Variants in MSH3 observed in about 807,000 individuals in gnomAD.
The protein encoded by MSH3 is mutS homolog 3, also known as DNA mismatch repair protein Msh3.
In MSH3, 106 loss-of-function variants were observed where a neutral mutation model predicts 123.3. The observed-to-expected ratio is 0.86, with a 90% CI of 0.73 to 1.01. MSH3 has a LOEUF of 1.01. MSH3 is among the 50% of genes least tolerant of loss of function. MSH3 has a pLI of 0.00. For missense variants in MSH3, 1,459 were observed against 1,347.6 expected (o/e 1.08, Z -1.29); for synonymous variants, 515 against 481.4 (o/e 1.07, Z -0.91).
At chr5:80,707,564 A>C (rs1016712385) in intron 8 of MSH3, among the ~76,000 whole-genome samples, 6 of 148,994 alleles carry the variant, frequency 4.0e-5, no homozygotes, top group Non-Finnish European at 9.0e-5. Flanking sequence ...CTCTAAAAAA[A>C]AAAACAAAAA....
chr5:80,816,059 AT>A (rs1745097900), intron 20 of MSH3, among the ~76,000 whole-genome samples: 1 of 152,238 alleles, frequency 6.6e-6, no homozygotes, highest in African/African-American at 2.4e-5. Context: ...ATTTCAAGAA[AT>A]TGGAGTATTT....
At chr5:80,685,133 A>T (rs990609621) in intron 8 of MSH3, among the ~76,000 whole-genome samples, 5 of 149,890 alleles carry the variant, frequency 3.3e-5, no homozygotes, top group Non-Finnish European at 5.9e-5. Context: ...TCTTTATTTG[A>T]TATGAATTTG....
chr5:80,805,612 T>G (rs1435852479), intron 19 of MSH3, among the ~76,000 whole-genome samples: 1 of 105,518 alleles, frequency 9.5e-6, no homozygotes, highest in Non-Finnish European at 1.9e-5. Flanking sequence ...TTTTTTTTTT[T>G]GAGATGGAGT....
chr5:80,662,866 A>G (rs1003671407), intron 2 of MSH3, among the ~76,000 whole-genome samples: 4 of 152,056 alleles, frequency 2.6e-5, no homozygotes, highest in Admixed American at 2.0e-4. Flanking sequence ...AAGAATTGCA[A>G]TTTGGGACAT....
chr5:80,718,762 G>A (rs1213871612), intron 8 of MSH3, among the ~76,000 whole-genome samples: 1 of 151,826 alleles, frequency 6.6e-6, no homozygotes, highest in Non-Finnish European at 1.5e-5. Context: ...ACTCAGTAGT[G>A]ATGAACAAGT....
At chr5:80,694,075 A>G (rs1213787603) in intron 8 of MSH3, among the ~76,000 whole-genome samples, 1 of 152,234 alleles carries the variant, frequency 6.6e-6, no homozygotes, top group Non-Finnish European at 1.5e-5. Flanking sequence ...ATGCATACAT[A>G]GGAAGTTCAT....
intron 8 of MSH3, among the ~76,000 whole-genome samples, chr5:80,716,542 G>C (rs1204125007): frequency 6.6e-6 from 1 of 151,872 alleles, no homozygotes; most frequent in Non-Finnish European, 1.5e-5. Flanking sequence ...TGTGATTACG[G>C]GTGTGAGCCA....
chr5:80,786,074 A>C (rs1744503140), intron 17 of MSH3, among the ~76,000 whole-genome samples: 1 of 152,198 alleles, frequency 6.6e-6, no homozygotes, highest in Non-Finnish European at 1.5e-5. Context: ...GCACACCAGC[A>C]TGGCACATGT....
chr5:80,858,446 T>C (rs1429713839), intron 21 of MSH3, among the ~76,000 whole-genome samples: 1 of 152,242 alleles, frequency 6.6e-6, no homozygotes, highest in Non-Finnish European at 1.5e-5. Flanking sequence ...TTTAAATTTC[T>C]CTTTATTTCT....
chr5:80,669,620 GCTGT>G (rs1465089396), intron 3 of MSH3, among the ~76,000 whole-genome samples: 7 of 152,106 alleles, frequency 4.6e-5, no homozygotes, highest in Non-Finnish European at 8.8e-5. Context: ...TATAGAATGT[GCTGT>G]CTTTTACAGT....
In MSH3 at chr5:80,800,518, G is replaced by A. The variant is rs1015727960; in HGVS notation, c.2655+7674G>A. On this transcript the variant is annotated intron_variant, in intron 19 of 23. Coordinates refer to ENST00000265081, the MANE Select transcript of MSH3 (RefSeq NM_002439.5). Reference sequence around the variant, plus strand: ...GATGTGTGCTGCCTCAAATACGCACGATCTTTCTAAAAGAGATTAGCACAT... The same window carrying A: ...GATGTGTGCTGCCTCAAATACGCACAATCTTTCTAAAAGAGATTAGCACAT... Among the ~76,000 whole-genome samples the A allele has an allele frequency of 3.9e-5, 6 of 152,308 alleles. No individual in the cohort carries two copies. The East Asian group carries it at 7.7e-4, about 20-fold the overall frequency.
chr5:80,723,255 T>G (rs932198950), intron 8 of MSH3, among the ~76,000 whole-genome samples: 3 of 152,056 alleles, frequency 2.0e-5, no homozygotes, highest in Non-Finnish European at 2.9e-5. Flanking sequence ...CTTGCCACTT[T>G]AGATATAGAT....
At chr5:80,845,789 G>GT (rs1457736475) in intron 20 of MSH3, among the ~76,000 whole-genome samples, 2 of 152,142 alleles carry the variant, frequency 1.3e-5, no homozygotes, top group Non-Finnish European at 2.9e-5. Context: ...GTTTATTCTA[G>GT]TTAGCCATTC....
intron 13 of MSH3, among the ~76,000 whole-genome samples, chr5:80,762,608 A>G: frequency 6.6e-6 from 1 of 151,166 alleles, no homozygotes. Flanking sequence ...TGATGTAGTT[A>G]TCTTGACTGC....
chr5:80,845,940 C>G (rs906437364), intron 20 of MSH3, among the ~76,000 whole-genome samples: 3 of 152,146 alleles, frequency 2.0e-5, no homozygotes, highest in Admixed American at 6.5e-5. Flanking sequence ...CAGTTTTGTT[C>G]CATTGCTGCT....
At chr5:80,686,447 C>T (rs953477495) in intron 8 of MSH3, among the ~76,000 whole-genome samples, 7 of 151,848 alleles carry the variant, frequency 4.6e-5, no homozygotes, top group Admixed American at 1.3e-4. Flanking sequence ...GGATTACAGG[C>T]GTGCACCACC....
At chr5:80,819,372 ATATATGTG>A (rs1297196074) in intron 20 of MSH3, among the ~76,000 whole-genome samples, 3 of 13,730 alleles carry the variant, frequency 2.2e-4, no homozygotes, top group Non-Finnish European at 3.4e-4. Flanking sequence ...ATGTGTGTAT[ATATATGTG>A]TATATATGTA....
intron 8 of MSH3, among the ~76,000 whole-genome samples, chr5:80,690,724 T>G (rs1365813088): frequency 6.6e-6 from 1 of 152,196 alleles, no homozygotes; most frequent in Non-Finnish European, 1.5e-5. Flanking sequence ...ATGCAGAAAC[T>G]GAAGCACGTA....
At chr5:80,687,549 A>G (rs1483709000) in intron 8 of MSH3, among the ~76,000 whole-genome samples, 1 of 152,076 alleles carries the variant, frequency 6.6e-6, no homozygotes, top group African/African-American at 2.4e-5. Context: ...CATTTGCAGA[A>G]TAGAAGGCTT....
Sources: allele counts gnomAD v4.1 joint callset (sites outside exome capture counted in the v4.1 genomes callset), GRCh38; gene constraint gnomAD v4.1.1; transcripts MANE v1.5; gene names NCBI Gene and HGNC (gene_info 2026-07-23, HGNC 2026-07-21).